ACBD6: variants seen among roughly 807,000 people sequenced by gnomAD.
ACBD6 encodes the protein acyl-CoA-binding domain-containing protein 6.
ACBD6 carries 28 observed loss-of-function variants against 37.2 expected under a neutral mutation model. The ratio of observed to expected loss-of-function variants is 0.75; its 90% confidence interval spans 0.56 to 1.03. ACBD6 has a LOEUF of 1.03. Ranked by LOEUF, ACBD6 falls within the 50% of genes least tolerant of loss-of-function variation. The pLI is 0.00. For missense variants in ACBD6, 340 were observed against 337.4 expected (o/e 1.01, Z -0.06); for synonymous variants, 113 against 126.8 (o/e 0.89, Z 0.73).
chr1:180,271,361 C>T (rs1208591473), exon 14 of ACBD6: 7 of 1,614,106 alleles, frequency 4.3e-6, no homozygotes, highest in East Asian at 2.2e-5. Context: ...AGCCAGTAAG[C>T]AGTGGTTTTT....
chr1:180,457,580 G>A (rs146613054), intron 3 of ACBD6, among the ~76,000 whole-genome samples: 1 of 152,202 alleles, frequency 6.6e-6, no homozygotes, highest in African/African-American at 2.4e-5. Flanking sequence ...CTAGTGCTAA[G>A]GAATCTTACA....
chr1:180,381,253 A>G (rs887166409), intron 6 of ACBD6, among the ~76,000 whole-genome samples: 19 of 152,216 alleles, frequency 1.2e-4, no homozygotes, highest in African/African-American at 3.4e-4. Context: ...ATAGACTCCA[A>G]TACAATAACA....
intron 4 of ACBD6, among the ~76,000 whole-genome samples, chr1:180,414,324 G>A (rs150446055): frequency 7.1e-4 from 108 of 152,256 alleles, no homozygotes; most frequent in African/African-American, 2.2e-3. Flanking sequence ...TGCATTTTGC[G>A]TTCCAAAAAT....
intron 3 of ACBD6, among the ~76,000 whole-genome samples, chr1:180,476,991 T>C (rs1650822868): frequency 6.6e-6 from 1 of 152,196 alleles, no homozygotes; most frequent in African/African-American, 2.4e-5. Context: ...AATATAATGC[T>C]TTGTATAACA....
intron 2 of ACBD6, 101 bp downstream of exon 2, chr1:180,495,360 A>C: frequency 1.2e-6 from 1 of 827,130 alleles, no homozygotes; most frequent in Non-Finnish European, 1.9e-6. Flanking sequence ...AGAGAGAGAG[A>C]TTAATATAAA....
chr1:180,349,413 G>A (rs978881278), intron 6 of ACBD6, among the ~76,000 whole-genome samples: 3 of 151,498 alleles, frequency 2.0e-5, no homozygotes, highest in African/African-American at 7.3e-5. Context: ...CCGCCACCAC[G>A]CCTGGCTAAT....
chr1:180,413,899 G>A (rs1052984018), intron 4 of ACBD6, among the ~76,000 whole-genome samples: 21 of 152,094 alleles, frequency 1.4e-4, no homozygotes, highest in African/African-American at 5.1e-4. Flanking sequence ...AATCTTTCAT[G>A]CAACTTCACT....
intron 3 of ACBD6, among the ~76,000 whole-genome samples, chr1:180,491,787 T>C (rs1250351258): frequency 6.6e-6 from 1 of 152,186 alleles, no homozygotes; most frequent in Non-Finnish European, 1.5e-5. Flanking sequence ...GCTGGTTATA[T>C]TACTATTTAA....
intron 4 of ACBD6, among the ~76,000 whole-genome samples, chr1:180,428,741 T>C (rs1043875060): frequency 3.3e-5 from 5 of 152,228 alleles, no homozygotes; most frequent in African/African-American, 1.2e-4. Flanking sequence ...TCATTATGAT[T>C]TACAGATAAG....
chr1:180,404,061 C>T (rs111998931), intron 5 of ACBD6, among the ~76,000 whole-genome samples: 6,351 of 151,726 alleles, frequency 0.042, 417 homozygotes, highest in African/African-American at 0.14. Context: ...AGAGATTCTC[C>T]TGCCTCAGTC....
intron 4 of ACBD6, among the ~76,000 whole-genome samples, chr1:180,429,252 C>T (rs566394162): frequency 9.1e-6 from 1 of 109,366 alleles, no homozygotes; most frequent in Non-Finnish European, 2.4e-5. Context: ...TTCCCCTACC[C>T]CCAGCTCCTG....
At chr1:180,380,956 T>C (rs919592929) in intron 6 of ACBD6, among the ~76,000 whole-genome samples, 11 of 152,188 alleles carry the variant, frequency 7.2e-5, no homozygotes, top group Admixed American at 4.6e-4. Context: ...GACTCAACTA[T>C]ATACTGCCTA....
chr1:180,377,480 G>A (rs1051258459), intron 6 of ACBD6, among the ~76,000 whole-genome samples: 1 of 152,190 alleles, frequency 6.6e-6, no homozygotes. Context: ...TTGGTGCCAG[G>A]ACTAGAGTAG....
At chr1:180,434,754 G>A in intron 3 of ACBD6, 1 of 606,602 alleles carries the variant, frequency 1.6e-6, no homozygotes, top group African/African-American at 1.8e-5. Flanking sequence ...TACCTCAACA[G>A]GCCATAGCCG....
At chr1:180,427,941 A>C (rs1441872592) in intron 4 of ACBD6, among the ~76,000 whole-genome samples, 3 of 151,666 alleles carry the variant, frequency 2.0e-5, no homozygotes, top group African/African-American at 7.3e-5. Flanking sequence ...AAAACCAAAA[A>C]CCAAAAAACA....
chr1:180,323,433 T>C (rs1383956953), intron 6 of ACBD6, among the ~76,000 whole-genome samples: 2 of 152,090 alleles, frequency 1.3e-5, no homozygotes, highest in Non-Finnish European at 2.9e-5. Flanking sequence ...TTGTACAGTA[T>C]AGACTAAGTC....
chr1:180,488,254 T>C (rs1416965604), intron 3 of ACBD6, among the ~76,000 whole-genome samples: 4 of 151,918 alleles, frequency 2.6e-5, no homozygotes, highest in Non-Finnish European at 5.9e-5. Context: ...AAAAAACTTA[T>C]CCTCCCCCCA....
intron 3 of ACBD6, among the ~76,000 whole-genome samples, chr1:180,489,851 A>C (rs1004864568): frequency 6.6e-6 from 1 of 151,962 alleles, no homozygotes; most frequent in African/African-American, 2.4e-5. Context: ...TAGAGACGGG[A>C]TTTCACCATG....
chr1:180,283,017 G>A (rs542594934), intron 8 of ACBD6, among the ~76,000 whole-genome samples: 15 of 126,936 alleles, frequency 1.2e-4, no homozygotes, highest in African/African-American at 4.0e-4. Context: ...ACTCACAAAC[G>A]GAGCTAAAGT....
Sources: allele counts gnomAD v4.1 joint callset (sites outside exome capture counted in the v4.1 genomes callset), GRCh38; gene constraint gnomAD v4.1.1; transcripts MANE v1.5; gene names NCBI Gene and HGNC (gene_info 2026-07-23, HGNC 2026-07-21).